The following RLIM variants were observed in gnomAD, a reference collection of about 807,000 sequenced individuals.
The protein encoded by RLIM is E3 ubiquitin-protein ligase RLIM.
A neutral mutation model predicts 34.0 loss-of-function variants in RLIM; 2 were observed. The ratio of observed to expected loss-of-function variants is 0.06; its 90% confidence interval spans 0.02 to 0.19. RLIM has a LOEUF of 0.19. Ranked by LOEUF, RLIM falls within the 10% of genes least tolerant of loss-of-function variation. The probability of loss-of-function intolerance (pLI) is 1.00; values close to 1 mark genes in which losing one functional copy is unlikely to be tolerated. For synonymous variants in RLIM, 169 were observed against 164.0 expected, an observed-to-expected ratio of 1.03 and a Z score of -0.23; for missense variants, 286 against 479.7, an observed-to-expected ratio of 0.60 and a Z score of 3.77.
chrX:74,596,210 C>T (rs1437397639), intron 1 of RLIM, among the ~76,000 whole-genome samples: 2 of 112,008 alleles, frequency 1.8e-5, no homozygotes, highest in Non-Finnish European at 3.8e-5. Flanking sequence ...ACAGGGTTGG[C>T]GAACTAAAGC....
At chrX:74,598,876 G>A (rs910637282) in intron 1 of RLIM, among the ~76,000 whole-genome samples, 31 of 110,960 alleles carry the variant, frequency 2.8e-4, no homozygotes, top group African/African-American at 8.8e-4. Flanking sequence ...ATACCTATAT[G>A]TATGAAAAGA....
Position 74,614,432 on chromosome X carries a change from G to T in RLIM, c.-34C>A. ...CAAGTCTTCACTTACTAGGTTTTAG[G>T]GTCAGGATCCGACTCGGTTGGTTCG... On this transcript the variant is annotated 5_prime_UTR_variant, in exon 1 of 4. Coordinates refer to ENST00000332687, the MANE Select transcript of RLIM (RefSeq NM_016120.4). The T allele has an allele frequency of 8.8e-6, 1 of 113,995 alleles. No individual in the cohort carries two copies. The highest frequency in any genetic ancestry group is 3.3e-4 in the South Asian group (1 of 3,046). 9.4% of individuals were successfully genotyped at this position (113,995 alleles called of 1,213,427 possible).
At chrX:74,606,907 C>T (rs1165716998) in intron 1 of RLIM, among the ~76,000 whole-genome samples, 1 of 110,859 alleles carries the variant, frequency 9.0e-6, no homozygotes, top group African/African-American at 3.3e-5. Context: ...AGGTCGAGGT[C>T]GGCGGATCGC....
At chrX:74,598,872 A>G (rs2079650270) in intron 1 of RLIM, among the ~76,000 whole-genome samples, 1 of 111,706 alleles carries the variant, frequency 9.0e-6, no homozygotes, top group African/African-American at 3.3e-5. Flanking sequence ...AGCAATACCT[A>G]TATGTATGAA....
chrX:74,613,182 A>G (rs888420818), intron 1 of RLIM, among the ~76,000 whole-genome samples: 1 of 111,058 alleles, frequency 9.0e-6, no homozygotes, highest in African/African-American at 3.3e-5. Context: ...TAATGGGGTG[A>G]TAAGTAGTTA....
Position 74,593,020 on chromosome X carries a change from T to C in RLIM, c.295A>G (p.Ile99Val). 7.5e-6 allele frequency: 9 copies of C among 1,207,799 alleles called. No individual in the cohort carries two copies. The highest frequency in any genetic ancestry group is 1.0e-5 in the Non-Finnish European group (9 of 891,988). ...TGTCTGACAGAGTTAAGCCAGTCTA[T>C]TATAGAGTCACCATTAGACACATCA... ...SDDVSNGDSI[I>V]DWLNSVRQTG... Residue 99 changes from isoleucine (I) to valine (V), a missense_variant, in exon 4 of 4, where the codon ATA becomes GTA. Coordinates refer to ENST00000332687, the MANE Select transcript of RLIM (RefSeq NM_016120.4).
In RLIM at chrX:74,583,222, G is replaced by T. The variant is rs867984084; in HGVS notation, c.*8218C>A. The T allele has an allele frequency of 2.2e-5, 21 of 941,279 alleles. No homozygotes were observed. The highest frequency in any genetic ancestry group is 2.8e-4 in the Middle Eastern group (1 of 3,574). The allele number at this position is 941,279 out of a possible 1,213,427, so 77.6% of individuals were successfully genotyped here. ...TCTGGAGACTTGAGCATATGAAGAA[G>T]TTCTGAATTATCAATCTCCAACAAC... is the stretch of plus-strand genomic sequence containing the variant. On this transcript the variant is annotated 3_prime_UTR_variant, in exon 4 of 4. Transcript: ENST00000332687.
chrX:74,606,242 T>G (rs2079681708), intron 1 of RLIM, among the ~76,000 whole-genome samples: 2 of 111,939 alleles, frequency 1.8e-5, no homozygotes, highest in African/African-American at 6.5e-5. Flanking sequence ...TTATTTCTTT[T>G]AGAGTACTGT....
chrX:74,589,769 C>T lies in RLIM; in HGVS notation c.*1671G>A, dbSNP rs767636483. On this transcript the variant is annotated 3_prime_UTR_variant, in exon 4 of 4. Transcript: ENST00000332687. ...CCTATTTTGGCCTGTTAAAGCTTTT[C>T]CCAGAAGAACAAATATCTGCTCCAT... is the stretch of plus-strand genomic sequence containing the variant. 12 of 111,794 alleles carry T rather than the reference C, an allele frequency of 1.1e-4. No homozygotes were observed. Among genetic ancestry groups the T allele is most frequent in the African/African-American group, 3.9e-4 (12 of 30,842 alleles). The allele number at this position is 111,794 out of a possible 1,213,427, so 9.2% of individuals were successfully genotyped here.
intron 1 of RLIM, among the ~76,000 whole-genome samples, chrX:74,598,163 C>T (rs1408598025): frequency 1.8e-5 from 2 of 112,016 alleles, no homozygotes; most frequent in Admixed American, 1.9e-4. Context: ...GTAGCACATA[C>T]ATTTTCTGAG....
At chrX:74,603,375 G>A (rs950461220) in intron 1 of RLIM, among the ~76,000 whole-genome samples, 2 of 109,766 alleles carry the variant, frequency 1.8e-5, no homozygotes, top group African/African-American at 6.7e-5. Flanking sequence ...AAGATCCAAC[G>A]AGATCTTCCC....
chrX:74,611,771 G>A (rs2079712143), intron 1 of RLIM, among the ~76,000 whole-genome samples: 1 of 111,899 alleles, frequency 8.9e-6, no homozygotes, highest in African/African-American at 3.2e-5. Flanking sequence ...TAAAATGAGG[G>A]CTCCACCACT....
chrX:74,606,514 C>G (rs2079682688), intron 1 of RLIM, among the ~76,000 whole-genome samples: 1 of 112,163 alleles, frequency 8.9e-6, no homozygotes, highest in Admixed American at 9.5e-5. Flanking sequence ...ATGCAAATGA[C>G]TGTTTCTGAT....
intron 1 of RLIM, among the ~76,000 whole-genome samples, chrX:74,602,253 A>G (rs2079664506): frequency 8.9e-6 from 1 of 111,959 alleles, no homozygotes; most frequent in Admixed American, 9.5e-5. Context: ...GTAAAAGTAC[A>G]CAGTCGGGGA....
chrX:74,603,926 T>C (rs2079671765), intron 1 of RLIM, among the ~76,000 whole-genome samples: 1 of 109,999 alleles, frequency 9.1e-6, no homozygotes, highest in South Asian at 3.9e-4. Flanking sequence ...CTGGCCAACA[T>C]AGTGAAACCC....
chrX:74,602,420 T>C (rs2079665006), intron 1 of RLIM, among the ~76,000 whole-genome samples: 1 of 111,274 alleles, frequency 9.0e-6, no homozygotes, highest in African/African-American at 3.3e-5. Context: ...ACAGCCCCAC[T>C]GAAACCTGCT....
In RLIM at chrX:74,587,960, A is replaced by G. The variant is rs887774036; in HGVS notation, c.*3480T>C. 5.4e-5 allele frequency: 6 copies of G among 112,030 alleles called. No homozygotes were observed. The highest frequency in any genetic ancestry group is 1.1e-4 in the Non-Finnish European group (6 of 53,226). The allele number at this position is 112,030 out of a possible 1,213,427, so 9.2% of individuals were successfully genotyped here. ...ACACATATTTTATTTCCTGGTGCTAAAGGTCTTATAAACTGTACAATTACC... is the reference window on the plus strand; with the variant it reads ...ACACATATTTTATTTCCTGGTGCTAGAGGTCTTATAAACTGTACAATTACC... On this transcript the variant is annotated 3_prime_UTR_variant, in exon 4 of 4. Transcript: ENST00000332687.
At chrX:74,609,774 G>A (rs1276581441) in intron 1 of RLIM, among the ~76,000 whole-genome samples, 2 of 110,875 alleles carry the variant, frequency 1.8e-5, no homozygotes, top group East Asian at 5.6e-4. Context: ...TAATTCATAT[G>A]GTCTCCTTAG....
chrX:74,606,480 C>T (rs1333364215), intron 1 of RLIM, among the ~76,000 whole-genome samples: 2 of 111,936 alleles, frequency 1.8e-5, no homozygotes, highest in African/African-American at 6.5e-5. Context: ...TTCTTCTAGT[C>T]ATTATTATAT....
Sources: allele counts gnomAD v4.1 joint callset (sites outside exome capture counted in the v4.1 genomes callset), GRCh38; gene constraint gnomAD v4.1.1; transcripts MANE v1.5; gene names NCBI Gene and HGNC (gene_info 2026-07-23, HGNC 2026-07-21).